The following HUWE1 variants were observed in gnomAD, a reference collection of about 807,000 sequenced individuals.
HUWE1 encodes the protein HECT, UBA and WWE domain containing E3 ubiquitin protein ligase 1.
A neutral mutation model predicts 299.4 loss-of-function variants in HUWE1; 18 were observed. That is an observed-to-expected ratio of 0.06 (90% CI 0.04 to 0.09). The LOEUF (loss-of-function observed/expected upper bound fraction) is 0.09. HUWE1 is among the 10% of genes least tolerant of loss of function. HUWE1 has a pLI of 1.00. For synonymous variants in HUWE1, 1,317 were observed against 1,286.1 expected (o/e 1.02, Z -0.51); for missense variants, 1,832 against 3,462.3 (o/e 0.53, Z 11.82).
rs1556983051 is a variant in HUWE1, at chrX:53,594,615, T to C, written c.3387A>G (p.Thr1129=). The change falls in exon 31 of 84, where the codon ACA becomes ACG. Residue 1129 remains threonine, a synonymous_variant. Transcript: ENST00000262854. The stretch of plus-strand genomic sequence containing the variant: ...TGAAACCAACTGAACAGATGAAGAA[T>C]GTCAGCCTGAAAGTGGAAAAAAAGG... ...PYTPTPRFRL[T]FFICSVGFTS... is the part of the protein sequence containing the mutation. The C allele has an allele frequency of 2.5e-6, 3 of 1,210,446 alleles. No individual in the cohort carries two copies. Among genetic ancestry groups the C allele is most frequent in the Admixed American group, 2.2e-5 (1 of 46,050 alleles).
rs1399106112 is a variant in HUWE1, at chrX:53,589,824, CAGGGA to C, written c.4192-13_4192-9del. On this transcript the variant is annotated splice_polypyrimidine_tract_variant and intron_variant, in intron 35 of 83. Coordinates refer to ENST00000262854, the MANE Select transcript of HUWE1 (RefSeq NM_031407.7). ...CTTCCGGCAAGCAACTTCCTGGAAG[CAGGGA>C]AGGAAGTGTGAATAATACACAGGAG... 6.7e-6 allele frequency: 8 copies of C among 1,199,119 alleles called. No individual in the cohort carries two copies. In the African/African-American group the frequency reaches 1.4e-4, roughly 21 times the overall value.
At chrX:53,535,922 G>GTTTT (rs34675759) in intron 80 of HUWE1, 1,496 of 163,684 alleles carry the variant, frequency 9.1e-3, no homozygotes, top group Middle Eastern at 0.021. Context: ...ATGTACTGGA[G>GTTTT]TTTTTTTTTT....
intron 63 of HUWE1, among the ~76,000 whole-genome samples, chrX:53,551,891 T>C (rs1431934913): frequency 9.0e-6 from 1 of 111,588 alleles, no homozygotes; most frequent in Non-Finnish European, 1.9e-5. Flanking sequence ...CCAGTGTATA[T>C]GTCTTCACTG....
At chrX:53,652,775 G>T (rs947040675) in intron 4 of HUWE1, among the ~76,000 whole-genome samples, 11 of 112,277 alleles carry the variant, frequency 9.8e-5, no homozygotes, top group African/African-American at 3.6e-4. Flanking sequence ...AACTGATATA[G>T]AACAGTGAAA....
intron 3 of HUWE1, among the ~76,000 whole-genome samples, chrX:53,658,300 C>A (rs1344144934): frequency 9.0e-6 from 1 of 111,299 alleles, no homozygotes; most frequent in Non-Finnish European, 1.9e-5. Context: ...TCATTTCCAA[C>A]TCCACAGATT....
Position 53,575,241 on chromosome X carries a change from C to T in HUWE1, c.6031-20G>A. On this transcript the variant is annotated intron_variant, in intron 45 of 83. Coordinates refer to ENST00000262854, the MANE Select transcript of HUWE1 (RefSeq NM_031407.7). ...CTGACTCTGAAGAAGAAGAAAACTC[C>T]TGAGCTATTATGAATTTCAAAAGCA... The T allele has an allele frequency of 1.6e-5, 18 of 1,156,722 alleles. No individual in the cohort carries two copies. The highest frequency in any genetic ancestry group is 2.1e-5 in the Non-Finnish European group (18 of 848,088).
chrX:53,671,021 C>T lies in HUWE1; in HGVS notation c.-25+9028G>A, dbSNP rs781955071. On this transcript the variant is annotated intron_variant, in intron 3 of 83. Transcript: ENST00000262854. ...ATGCAAGGTTAGCCTTTCTAAAGGC[C>T]AATTTAGCAATGAGTATTAAAAGCC... Among the ~76,000 whole-genome samples, 7 of 111,629 alleles carry T rather than the reference C, an allele frequency of 6.3e-5. No homozygotes were observed. The South Asian group carries it at 2.6e-3, about 42-fold the overall frequency.
In HUWE1 at chrX:53,535,610, G is replaced by A. The variant is rs1008895425; in HGVS notation, c.12532-109C>T. ...TGCCATGTCCTAGGCAGAGAGATGA[G>A]GCAAGTCCATACAAAACAGTGACTT... On this transcript the variant is annotated intron_variant, in intron 80 of 83. Transcript: ENST00000262854. 117 of 558,893 alleles carry A rather than the reference G, an allele frequency of 2.1e-4. 2 individuals carry two copies. Among genetic ancestry groups the A allele is most frequent in the Admixed American group, 1.9e-3 (83 of 42,566 alleles). 46.1% of individuals were successfully genotyped at this position (558,893 alleles called of 1,213,427 possible). A position where few individuals can be genotyped will look rare whatever the true frequency, so the allele number is the denominator to read the frequency against.
chrX:53,627,510 T>C lies in HUWE1; in HGVS notation c.1389A>G (p.Glu463=). The part of the protein sequence containing the change: ...LSIFIYRLEH[E]VDLCRKECPF... Reference sequence around the variant, plus strand: ...GACATTCTTTTCGGCACAAATCTACTTCATGCTACAATCAAGAGAAAGGTT... The same window carrying C: ...GACATTCTTTTCGGCACAAATCTACCTCATGCTACAATCAAGAGAAAGGTT... The change falls in exon 17 of 84, where the codon GAA becomes GAG. Residue 463 remains glutamate (E), a synonymous_variant. Transcript: ENST00000262854. 1 of 1,170,679 alleles carries C rather than the reference T, an allele frequency of 8.5e-7. No individual in the cohort carries two copies. The highest frequency in any genetic ancestry group is 1.2e-6 in the Non-Finnish European group (1 of 859,868).
At chrX:53,544,792 T>C (rs1556921284) in intron 71 of HUWE1, 30 bp from the exon 72 acceptor site, 2 of 1,108,417 alleles carry the variant, frequency 1.8e-6, no homozygotes, top group Non-Finnish European at 1.2e-6. Context: ...CTTGCGTATA[T>C]TGACAGCATC....
intron 2 of HUWE1, among the ~76,000 whole-genome samples, chrX:53,683,387 T>C (rs1418122250): frequency 1.8e-5 from 2 of 110,384 alleles, no homozygotes; most frequent in Non-Finnish European, 3.8e-5. Context: ...AAAACCAGGG[T>C]ATTCATCCGG....
At chrX:53,629,412 T>G in intron 13 of HUWE1, 104 bp downstream of exon 13, 2 of 562,844 alleles carry the variant, frequency 3.6e-6, no homozygotes, top group South Asian at 4.9e-5. Context: ...TGTCTCATTA[T>G]GTATATGCAA....
chrX:53,672,612 A>T (rs2069611961), intron 3 of HUWE1, among the ~76,000 whole-genome samples: 2 of 111,338 alleles, frequency 1.8e-5, no homozygotes, highest in African/African-American at 6.5e-5. Context: ...ATAAAGTGTC[A>T]TCCTTACTTC....
At chrX:53,563,899 G>A in intron 51 of HUWE1, 78 bp from the exon 52 acceptor site, 1 of 1,014,445 alleles carries the variant, frequency 9.9e-7, no homozygotes, top group Admixed American at 2.5e-5. Flanking sequence ...AAAAAGGCCA[G>A]CAAAGCAGCA....
chrX:53,538,720 A>ACTCTCT (rs3834703), intron 76 of HUWE1, 115 bp downstream of exon 76: 54 of 563,655 alleles, frequency 9.6e-5, no homozygotes, highest in East Asian at 4.0e-4. Flanking sequence ...ACACACACAC[A>ACTCTCT]CACACTCTCT....
intron 31 of HUWE1, among the ~76,000 whole-genome samples, chrX:53,594,054 G>C (rs2064317165): frequency 9.1e-6 from 1 of 110,418 alleles, no homozygotes; most frequent in African/African-American, 3.3e-5. Context: ...TTGAGTTTGC[G>C]CCACTGCACT....
intron 19 of HUWE1, among the ~76,000 whole-genome samples, chrX:53,624,281 G>A (rs1557014959): frequency 9.0e-5 from 10 of 111,336 alleles, no homozygotes; most frequent in Non-Finnish European, 5.7e-5. Context: ...TTCCATGCCC[G>A]GCCTCTCTGT....
At chrX:53,537,859 A>T (rs2061134920) in intron 77 of HUWE1, among the ~76,000 whole-genome samples, 163 bp from the exon 78 acceptor site, 2 of 111,605 alleles carry the variant, frequency 1.8e-5, no homozygotes, top group South Asian at 7.6e-4. Flanking sequence ...GGAGAGGTAG[A>T]TCACTCATTA....
intron 29 of HUWE1, among the ~76,000 whole-genome samples, chrX:53,597,243 T>C (rs1337763892): frequency 9.2e-6 from 1 of 108,736 alleles, no homozygotes; most frequent in Non-Finnish European, 1.9e-5. Context: ...AGGCAACAGA[T>C]AAGTTCCCAG....
Sources: allele counts gnomAD v4.1 joint callset (sites outside exome capture counted in the v4.1 genomes callset), GRCh38; gene constraint gnomAD v4.1.1; transcripts MANE v1.5; gene names NCBI Gene and HGNC (gene_info 2026-07-23, HGNC 2026-07-21).